The following MAN1A1 variants were observed in gnomAD, a reference collection of about 807,000 sequenced individuals.
The protein encoded by MAN1A1 is mannosidase alpha class 1A member 1, also known as mannosyl-oligosaccharide 1,2-alpha-mannosidase IA.
A neutral mutation model predicts 70.8 loss-of-function variants in MAN1A1; 29 were observed. That is an observed-to-expected ratio of 0.41 (90% CI 0.31 to 0.56). MAN1A1 has a LOEUF of 0.56. Among genes scored for constraint, MAN1A1 ranks in the 20% least tolerant of loss-of-function variants. The pLI is 0.29. For missense variants in MAN1A1, 747 were observed against 841.3 expected, an observed-to-expected ratio of 0.89 and a Z score of 1.39; for synonymous variants, 349 against 330.1, an observed-to-expected ratio of 1.06 and a Z score of -0.62.
chr6:119,202,556 T>A (rs1399502061), intron 7 of MAN1A1, among the ~76,000 whole-genome samples: 1 of 152,214 alleles, frequency 6.6e-6, no homozygotes, highest in Non-Finnish European at 1.5e-5. Context: ...TTATCAAATA[T>A]TATGTACTGT....
chr6:119,227,834 T>C (rs949111281), intron 6 of MAN1A1, among the ~76,000 whole-genome samples: 4 of 152,182 alleles, frequency 2.6e-5, no homozygotes, highest in African/African-American at 9.6e-5. Context: ...CGAGTGATTA[T>C]TTTTTCCCAT....
At chr6:119,248,889 T>C (rs1775241895) in intron 5 of MAN1A1, among the ~76,000 whole-genome samples, 2 of 152,208 alleles carry the variant, frequency 1.3e-5, no homozygotes, top group Admixed American at 1.3e-4. Flanking sequence ...TCTCTGATGT[T>C]AAGTGTAAGT....
intron 6 of MAN1A1, among the ~76,000 whole-genome samples, chr6:119,232,884 G>A (rs532695920): frequency 3.9e-4 from 60 of 151,972 alleles, no homozygotes; most frequent in African/African-American, 5.3e-4. Context: ...ATTTTGTAAC[G>A]TCTTCAGTTT....
In MAN1A1 at chr6:119,193,797, T is replaced by C. The variant is rs1460851489; in HGVS notation, c.1306A>G (p.Met436Val). The stretch of plus-strand genomic sequence containing the variant: ...GTTACCTGAACAGCATCAAAATACA[T>C]CTTCTTAGCTTCCAGATCTGTCTTG... ...SDKTDLEAKK[M>V]YFDAVQAIET... The change falls in exon 9 of 13, where the codon ATG becomes GTG. Residue 436 changes from methionine (M) to valine (V), a missense_variant. Transcript: ENST00000368468. 25 of 1,613,418 alleles carry C rather than the reference T, an allele frequency of 1.5e-5. No homozygotes were observed. The highest frequency in any genetic ancestry group is 2.0e-5 in the Non-Finnish European group (24 of 1,179,606).
At position 119,263,324 on chromosome 6, in the gene MAN1A1, C is replaced by T. The variant is rs142878825; in HGVS notation, c.898-14970G>A. Among the ~76,000 whole-genome samples, 712 of 152,078 alleles carry T rather than the reference C, an allele frequency of 4.7e-3. 5 individuals are homozygous for T. Among genetic ancestry groups the T allele is most frequent in the African/African-American group, 0.016 (666 of 41,490 alleles). On this transcript the variant is annotated intron_variant, in intron 5 of 12. Transcript: ENST00000368468. ...ATATATAGTTCTGTCCCTCTAAGAG[C>T]GCCCTAACTAATACAATGTCCTTGC...
intron 2 of MAN1A1, chr6:119,327,214 T>C (rs1773170847): frequency 6.6e-6 from 1 of 152,108 alleles, no homozygotes. Flanking sequence ...TGCAGCAGAA[T>C]GGAAAGTCAG....
chr6:119,268,700 C>T (rs1267173660), intron 5 of MAN1A1, among the ~76,000 whole-genome samples: 1 of 152,068 alleles, frequency 6.6e-6, no homozygotes, highest in Non-Finnish European at 1.5e-5. Flanking sequence ...GACCTTCCCA[C>T]CTCAGCCTCC....
At chr6:119,195,199 C>T (rs1185847291) in intron 8 of MAN1A1, among the ~76,000 whole-genome samples, 1 of 152,162 alleles carries the variant, frequency 6.6e-6, no homozygotes, top group Non-Finnish European at 1.5e-5. Flanking sequence ...CCTCTTAATA[C>T]ATGAATGAGA....
intron 5 of MAN1A1, among the ~76,000 whole-genome samples, chr6:119,274,726 C>CTAA (rs1189679211): frequency 6.6e-6 from 1 of 152,052 alleles, no homozygotes; most frequent in African/African-American, 2.4e-5. Flanking sequence ...GTGTATCTGA[C>CTAA]TTTAGTTCAG....
chr6:119,283,180 T>C (rs1776266561), intron 5 of MAN1A1, among the ~76,000 whole-genome samples: 1 of 152,230 alleles, frequency 6.6e-6, no homozygotes, highest in Non-Finnish European at 1.5e-5. Context: ...GTCCATCACC[T>C]TACTACATTA....
intron 6 of MAN1A1, chr6:119,211,057 C>A: frequency 3.4e-6 from 1 of 294,038 alleles, no homozygotes. Context: ...ATTCCATCTT[C>A]GGAAATAATA....
intron 2 of MAN1A1, among the ~76,000 whole-genome samples, chr6:119,336,300 C>A (rs1279445572): frequency 1.3e-5 from 2 of 152,136 alleles, no homozygotes; most frequent in Admixed American, 1.3e-4. Flanking sequence ...GAATTCCTGG[C>A]CTCAAGTGAT....
At chr6:119,258,679 T>C (rs1451336338) in intron 5 of MAN1A1, among the ~76,000 whole-genome samples, 3 of 152,198 alleles carry the variant, frequency 2.0e-5, no homozygotes, top group African/African-American at 7.2e-5. Context: ...ACTAGTGAAT[T>C]TTTTTCCTGT....
intron 5 of MAN1A1, among the ~76,000 whole-genome samples, chr6:119,265,104 T>C (rs1040285722): frequency 9.6e-5 from 4 of 41,738 alleles, no homozygotes; most frequent in Non-Finnish European, 2.4e-4. Flanking sequence ...TTTTTTAAAT[T>C]TTTTTTTTTT....
chr6:119,295,921 T>C (rs565462683), intron 4 of MAN1A1, among the ~76,000 whole-genome samples: 1 of 152,312 alleles, frequency 6.6e-6, no homozygotes, highest in Non-Finnish European at 1.5e-5. Flanking sequence ...TAACACATGA[T>C]AACGATACTT....
rs372376307 is a variant in MAN1A1 at position 119,282,256 on chromosome 6, GA to G, written c.897+8426del. Among the ~76,000 whole-genome samples, 303 of 152,076 alleles carry G rather than the reference GA, an allele frequency of 2.0e-3. 3 individuals are homozygous for G. Among genetic ancestry groups the G allele is most frequent in the African/African-American group, 6.9e-3 (286 of 41,394 alleles). On this transcript the variant is annotated intron_variant, in intron 5 of 12. Coordinates refer to ENST00000368468, the MANE Select transcript of MAN1A1 (RefSeq NM_005907.4). ...TGTAGAAATGTGCTCATGAATTGTG[GA>G]GATAAAATTTTTACAGCTTATAAAA...
intron 6 of MAN1A1, among the ~76,000 whole-genome samples, chr6:119,211,717 T>C (rs376629420): frequency 4.5e-4 from 68 of 152,212 alleles, no homozygotes; most frequent in African/African-American, 1.5e-3. Flanking sequence ...AACAACAGGG[T>C]GGTAACTTCT....
chr6:119,247,829 A>T (rs983477707), intron 6 of MAN1A1, among the ~76,000 whole-genome samples: 2 of 152,084 alleles, frequency 1.3e-5, no homozygotes, highest in Admixed American at 6.6e-5. Flanking sequence ...TTTATGGGGG[A>T]TCTGATTAGG....
intron 4 of MAN1A1, among the ~76,000 whole-genome samples, chr6:119,300,897 C>T (rs976374696): frequency 2.0e-5 from 3 of 152,126 alleles, no homozygotes; most frequent in East Asian, 1.9e-4. Context: ...GGAGTAGAAA[C>T]AAAATATTAA....
Sources: allele counts gnomAD v4.1 joint callset (sites outside exome capture counted in the v4.1 genomes callset), GRCh38; gene constraint gnomAD v4.1.1; transcripts MANE v1.5; gene names NCBI Gene and HGNC (gene_info 2026-07-23, HGNC 2026-07-21).